Variants in KIFAP3 observed in about 807,000 individuals in gnomAD.
The protein encoded by KIFAP3 is kinesin-associated protein 3.
KIFAP3 carries 68 observed loss-of-function variants against 106.5 expected under a neutral mutation model. The observed-to-expected ratio is 0.64, with a 90% CI of 0.53 to 0.78. The LOEUF (loss-of-function observed/expected upper bound fraction) is 0.78. Ranked by LOEUF, KIFAP3 falls within the 30% of genes least tolerant of loss-of-function variation. The pLI, the probability that KIFAP3 is intolerant of heterozygous loss-of-function variation, is 0.00. For missense variants in KIFAP3, 780 were observed against 941.8 expected (o/e 0.83, Z 2.25); for synonymous variants, 320 against 311.5 (o/e 1.03, Z -0.29).
chr1:170,037,956 A>G (rs931162704), intron 5 of KIFAP3, among the ~76,000 whole-genome samples: 9 of 152,188 alleles, frequency 5.9e-5, no homozygotes, highest in African/African-American at 2.2e-4. Context: ...TGTGCTACTG[A>G]GAAAAAATGA....
chr1:170,063,557 G>A (rs1455797892), intron 1 of KIFAP3, among the ~76,000 whole-genome samples: 1 of 152,142 alleles, frequency 6.6e-6, no homozygotes, highest in African/African-American at 2.4e-5. Context: ...CCACCCTGCT[G>A]CTTGGCTAGC....
At chr1:169,925,825 A>G (rs1294326265) in intron 19 of KIFAP3, among the ~76,000 whole-genome samples, 1 of 152,180 alleles carries the variant, frequency 6.6e-6, no homozygotes, top group Non-Finnish European at 1.5e-5. Flanking sequence ...GCGTATTTGT[A>G]AAGCACTTTG....
At chr1:169,969,282 T>A (rs1665784649) in intron 17 of KIFAP3, among the ~76,000 whole-genome samples, 1 of 152,000 alleles carries the variant, frequency 6.6e-6, no homozygotes, top group Admixed American at 6.6e-5. Flanking sequence ...CTGTAACTTC[T>A]CTTCAAGACG....
chr1:170,079,235 C>T (rs1671976435), upstream of KIFAP3, among the ~76,000 whole-genome samples: 1 of 152,128 alleles, frequency 6.6e-6, no homozygotes, highest in Non-Finnish European at 1.5e-5. Flanking sequence ...CACCTCTTGC[C>T]TCCTATCTTG....
intron 5 of KIFAP3, among the ~76,000 whole-genome samples, chr1:170,035,895 T>G (rs1413938815): frequency 2.0e-5 from 3 of 152,042 alleles, no homozygotes; most frequent in Non-Finnish European, 4.4e-5. Context: ...CCTACTTCAG[T>G]ACTGATTTTT....
intron 1 of KIFAP3, among the ~76,000 whole-genome samples, chr1:170,062,710 G>A (rs1671246674): frequency 6.6e-6 from 1 of 151,840 alleles, no homozygotes; most frequent in Non-Finnish European, 1.5e-5. Context: ...AGAAGTCATA[G>A]TCAAGCACAT....
At chr1:170,083,423 G>T (rs1672050660) in intron 1 of KIFAP3, among the ~76,000 whole-genome samples, 1 of 152,202 alleles carries the variant, frequency 6.6e-6, no homozygotes, top group Non-Finnish European at 1.5e-5. Flanking sequence ...TAGTGGCTAA[G>T]AACCTGAATT....
rs1017026679 is a variant in KIFAP3, at chr1:169,931,637, C to T, written c.2274-9856G>A. On this transcript the variant is annotated intron_variant, in intron 19 of 19. Transcript: ENST00000361580. ...AACTTGCTGAGCGGCTTAAATAACCCCTAGGTCAATAAACTGAGTCATTAG... is the reference window on the plus strand; with the variant it reads ...AACTTGCTGAGCGGCTTAAATAACCTCTAGGTCAATAAACTGAGTCATTAG... 2.0e-5 allele frequency among the ~76,000 whole-genome samples: 3 copies of T among 152,178 alleles called. No homozygotes were observed. The East Asian group carries it at 5.8e-4, about 29-fold the overall frequency.
chr1:169,988,741 G>A (rs1323940675), intron 11 of KIFAP3, among the ~76,000 whole-genome samples: 1 of 151,826 alleles, frequency 6.6e-6, no homozygotes, highest in Non-Finnish European at 1.5e-5. Flanking sequence ...TTGGCACTGG[G>A]TGGCAATAAA....
At chr1:170,020,913 A>C (rs1444731761) in intron 9 of KIFAP3, among the ~76,000 whole-genome samples, 1 of 152,188 alleles carries the variant, frequency 6.6e-6, no homozygotes, top group African/African-American at 2.4e-5. Context: ...CATAGGAAAA[A>C]ATCTTTGTGA....
intron 10 of KIFAP3, among the ~76,000 whole-genome samples, chr1:170,003,620 G>A (rs1448758572): frequency 2.0e-5 from 3 of 152,080 alleles, no homozygotes; most frequent in Admixed American, 1.3e-4. Flanking sequence ...TTTGTGCCCT[G>A]CCCCCAGAGG....
chr1:169,931,915 T>A (rs541153271), intron 19 of KIFAP3, among the ~76,000 whole-genome samples: 3 of 152,220 alleles, frequency 2.0e-5, no homozygotes, highest in Non-Finnish European at 2.9e-5. Flanking sequence ...CTCTTTAAAA[T>A]ATGAACTGTG....
intron 19 of KIFAP3, among the ~76,000 whole-genome samples, chr1:169,944,110 G>A (rs572861710): frequency 3.3e-4 from 50 of 152,242 alleles, no homozygotes; most frequent in Admixed American, 2.4e-3. Flanking sequence ...CACTAGGCCC[G>A]ATAGGCTGTG....
intron 19 of KIFAP3, among the ~76,000 whole-genome samples, chr1:169,926,580 G>GTA (rs1365821082): frequency 3.6e-4 from 55 of 151,280 alleles, no homozygotes; most frequent in Admixed American, 9.9e-4. Context: ...GTGTATATAT[G>GTA]TGTATATATA....
At chr1:169,951,197 T>C (rs545483867) in intron 19 of KIFAP3, among the ~76,000 whole-genome samples, 2 of 151,956 alleles carry the variant, frequency 1.3e-5, no homozygotes, top group African/African-American at 2.4e-5. Flanking sequence ...AGGAAATTCA[T>C]TGTGAATTAT....
intron 3 of KIFAP3, among the ~76,000 whole-genome samples, chr1:170,044,893 CT>C (rs908583600): frequency 2.9e-4 from 44 of 152,152 alleles, no homozygotes; most frequent in African/African-American, 9.4e-4. Context: ...GTCAAGAAAA[CT>C]TTTTTTTCTT....
rs1666551302 is a variant in KIFAP3, at chr1:169,982,056, T to C, written c.1714A>G (p.Ile572Val). ...GAGTCATCCATGGATACAGTTCCAA[T>C]CATTATAACCACTTCTAAAACAAGA... is the stretch of plus-strand genomic sequence containing the variant. ...DDLVLEVVIMIGTVSMDDSCA... is the reference protein window; with the variant it reads ...DDLVLEVVIMVGTVSMDDSCA... The change falls in exon 15 of 20, where the codon ATT becomes GTT. Residue 572 changes from isoleucine (I) to valine (V), a missense_variant. Physicochemically the swap from Ile to Val is conservative, Grantham distance 29 (BLOSUM62 3). Around this residue, in one of 3 missense-constraint regions of KIFAP3, gnomAD observed 588 missense variants for 678.9 expected, o/e 0.87. Coordinates refer to ENST00000361580, the MANE Select transcript of KIFAP3 (RefSeq NM_014970.4). 5 of 1,613,430 alleles carry C rather than the reference T, an allele frequency of 3.1e-6. No individual in the cohort carries two copies. The highest frequency in any genetic ancestry group is 4.2e-6 in the Non-Finnish European group (5 of 1,179,590).
At position 169,996,884 on chromosome 1, in the gene KIFAP3, T is replaced by C. The variant is rs539822065; in HGVS notation, c.1184-4629A>G. On this transcript the variant is annotated intron_variant, in intron 10 of 19. Transcript: ENST00000361580. ...TTCTCAGAGGACCTGTGCCCAGATA[T>C]AGCAGGTTCCAATGGATGAAAGAAT... 4.0e-4 allele frequency among the ~76,000 whole-genome samples: 61 copies of C among 152,244 alleles called. 1 individual carries two copies. Among genetic ancestry groups the C allele is most frequent in the Admixed American group, 7.2e-4 (11 of 15,272 alleles).
At chr1:170,030,562 GA>G (rs1332356166) in intron 8 of KIFAP3, among the ~76,000 whole-genome samples, 1 of 151,608 alleles carries the variant, frequency 6.6e-6, no homozygotes, top group African/African-American at 2.4e-5. Flanking sequence ...CCAAAAACTG[GA>G]AATATTCTAA....
Sources: gnomAD v4.1 joint callset for allele counts (sites outside exome capture counted in the v4.1 genomes callset) on GRCh38, gnomAD v4.1.1 for gene constraint, gnomAD v4.1.1 regional missense constraint, MANE v1.5 for transcripts, NCBI Gene and HGNC (gene_info 2026-07-23, HGNC 2026-07-21) for gene names.